Variants in HMGB1 observed in about 807,000 individuals in gnomAD.
HMGB1 encodes the protein high mobility group box 1.
For synonymous variants in HMGB1, 81 were observed against 84.0 expected (o/e 0.96, Z 0.19); for missense variants, 79 against 253.5 (o/e 0.31, Z 4.67).
In HMGB1 at chr13:30,457,327, T is replaced by C. The variant is rs1886032104; in HGVS notation, c.*4030A>G. On this transcript the variant is annotated 3_prime_UTR_variant, in exon 5 of 5. Transcript: ENST00000341423. ...CTATTTCTGGATTCCAGAGTCTGCA[T>C]ACCCTTGCCCACCACTGCTCATGCT... The C allele has an allele frequency of 6.6e-6, 1 of 152,244 alleles. No homozygotes were observed. Among genetic ancestry groups the C allele is most frequent in the South Asian group, 2.1e-4 (1 of 4,830 alleles). 9.4% of individuals were successfully genotyped at this position (152,244 alleles called of 1,614,324 possible).
intron 1 of HMGB1, among the ~76,000 whole-genome samples, chr13:30,480,734 C>T (rs1048614018): frequency 2.0e-5 from 3 of 152,052 alleles, no homozygotes; most frequent in Non-Finnish European, 4.4e-5. Context: ...CACTTTCCCT[C>T]CTTCCCTCGC....
At chr13:30,499,400 T>A (rs1887686078) in intron 1 of HMGB1, among the ~76,000 whole-genome samples, 1 of 152,210 alleles carries the variant, frequency 6.6e-6, no homozygotes, top group Admixed American at 6.5e-5. Flanking sequence ...ATCTCCAGAT[T>A]GGGTGGCTCT....
chr13:30,573,228 A>ACACTACAGTGTTTCTAGAAG (rs1870507005), intron 1 of HMGB1, among the ~76,000 whole-genome samples: 1 of 152,218 alleles, frequency 6.6e-6, no homozygotes, highest in Non-Finnish European at 1.5e-5. Flanking sequence ...CTCTCTAGAA[A>ACACTACAGTGTTTCTAGAAG]CACTACAGTA....
In HMGB1 at chr13:30,519,616, C is replaced by T. The variant is rs193103433; in HGVS notation, c.-14-55922G>A. Among the ~76,000 whole-genome samples the T allele has an allele frequency of 4.5e-3, 681 of 151,608 alleles. 8 individuals carry two copies. Among genetic ancestry groups the T allele is most frequent in the African/African-American group, 0.015 (636 of 41,312 alleles). On this transcript the variant is annotated intron_variant, in intron 1 of 4. Coordinates refer to the HMGB1 transcript ENST00000405805. ...TTGGGAGGCTGAGGCAGGAGAATGG[C>T]GTGAACCCAGGAGACGGAGCTTGCA...
intron 1 of HMGB1, among the ~76,000 whole-genome samples, chr13:30,512,358 A>T (rs1351532808): frequency 6.6e-6 from 1 of 152,188 alleles, no homozygotes; most frequent in African/African-American, 2.4e-5. Context: ...GGGTCAGAAA[A>T]GGGAACCCAA....
intron 1 of HMGB1, among the ~76,000 whole-genome samples, chr13:30,483,647 C>T (rs1161776765): frequency 4.2e-5 from 6 of 143,228 alleles, no homozygotes; most frequent in South Asian, 2.2e-4. Context: ...CAGGGTCTCC[C>T]TTTGTCACCA....
At chr13:30,504,847 T>C (rs989009786) in intron 1 of HMGB1, among the ~76,000 whole-genome samples, 1 of 149,478 alleles carries the variant, frequency 6.7e-6, no homozygotes, top group African/African-American at 2.4e-5. Context: ...GCAGTGTTCC[T>C]ACAAAACAGT....
intron 1 of HMGB1, among the ~76,000 whole-genome samples, chr13:30,515,310 C>T (rs1206337512): frequency 6.6e-6 from 1 of 152,212 alleles, no homozygotes; most frequent in African/African-American, 2.4e-5. Flanking sequence ...ATTTGGCCAA[C>T]ACCTTCATTT....
At chr13:30,477,134 G>A (rs1022293599) in intron 1 of HMGB1, among the ~76,000 whole-genome samples, 2 of 152,076 alleles carry the variant, frequency 1.3e-5, no homozygotes, top group African/African-American at 2.4e-5. Context: ...ATGCATCACA[G>A]CCCCATAGGA....
At chr13:30,536,419 G>A (rs1222562198) in intron 1 of HMGB1, among the ~76,000 whole-genome samples, 3 of 151,892 alleles carry the variant, frequency 2.0e-5, no homozygotes, top group Admixed American at 1.3e-4. Flanking sequence ...GTGCGATCTC[G>A]GCTCACTGCA....
intron 1 of HMGB1, among the ~76,000 whole-genome samples, chr13:30,611,015 A>C (rs1459030180): frequency 1.3e-5 from 2 of 152,242 alleles, no homozygotes; most frequent in African/African-American, 4.8e-5. Flanking sequence ...CTCAGTTACA[A>C]TTCAATCATT....
At chr13:30,592,497 T>C (rs1320383950) in intron 1 of HMGB1, among the ~76,000 whole-genome samples, 1 of 152,202 alleles carries the variant, frequency 6.6e-6, no homozygotes, top group Non-Finnish European at 1.5e-5. Context: ...TCTTTAGTAG[T>C]ACTCTTAGAA....
intron 1 of HMGB1, among the ~76,000 whole-genome samples, chr13:30,482,693 C>T (rs568583453): frequency 6.6e-6 from 1 of 152,152 alleles, no homozygotes; most frequent in South Asian, 2.1e-4. Context: ...AAGATGCACT[C>T]CAAAGGTAGC....
Position 30,581,008 on chromosome 13 carries a change from T to C in HMGB1, c.-15+35663A>G, listed in dbSNP as rs115196210. On this transcript the variant is annotated intron_variant, in intron 1 of 4. Coordinates refer to the HMGB1 transcript ENST00000405805. ...TAGGCTGGAGTGCATCATAGCTCAC[T>C]ATAACCTTGAAGTCCTGGGCTCAAG... Among the ~76,000 whole-genome samples, 643 of 152,270 alleles carry C rather than the reference T, an allele frequency of 4.2e-3. 4 individuals are homozygous for C. The highest frequency in any genetic ancestry group is 0.013 in the African/African-American group (547 of 41,556).
intron 1 of HMGB1, among the ~76,000 whole-genome samples, chr13:30,611,199 C>CA (rs1555245635): frequency 4.6e-5 from 7 of 151,630 alleles, no homozygotes; most frequent in African/African-American, 1.7e-4. Flanking sequence ...GTAAATACTG[C>CA]TTTTTTTTTG....
intron 1 of HMGB1, among the ~76,000 whole-genome samples, chr13:30,595,988 G>A (rs1015961401): frequency 3.9e-5 from 6 of 152,180 alleles, no homozygotes; most frequent in African/African-American, 1.2e-4. Flanking sequence ...GTAACAAGAG[G>A]CAAGAATCCT....
At chr13:30,557,171 C>G (rs1869726699) in intron 1 of HMGB1, among the ~76,000 whole-genome samples, 1 of 152,086 alleles carries the variant, frequency 6.6e-6, no homozygotes, top group Non-Finnish European at 1.5e-5. Flanking sequence ...ATAAATATAT[C>G]TAAAATAATA....
chr13:30,552,038 G>C (rs116491111), intron 1 of HMGB1, among the ~76,000 whole-genome samples: 1 of 152,010 alleles, frequency 6.6e-6, no homozygotes, highest in Non-Finnish European at 1.5e-5. Flanking sequence ...TCAGGTATTG[G>C]TGTCCCTCTC....
chr13:30,466,104 G>C (rs1487912716), upstream of HMGB1: 1 of 235,728 alleles, frequency 4.2e-6, no homozygotes, highest in Non-Finnish European at 7.0e-6. Context: ...TGTGTATGCC[G>C]GGCAAAGAGG....
Sources: gnomAD v4.1 joint callset for allele counts (sites outside exome capture counted in the v4.1 genomes callset) on GRCh38, gnomAD v4.1.1 for gene constraint, MANE v1.5 for transcripts, NCBI Gene and HGNC (gene_info 2026-07-23, HGNC 2026-07-21) for gene names.